NOS1AP: variants seen among roughly 807,000 people sequenced by gnomAD.
NOS1AP encodes the protein carboxyl-terminal PDZ ligand of neuronal nitric oxide synthase protein.
A neutral mutation model predicts 56.2 loss-of-function variants in NOS1AP; 21 were observed. The observed-to-expected ratio is 0.37, with a 90% CI of 0.26 to 0.54. The LOEUF (loss-of-function observed/expected upper bound fraction) is 0.54, where lower values mean the gene tolerates loss of function less well. Ranked by LOEUF, NOS1AP falls within the 20% of genes least tolerant of loss-of-function variation. The probability of loss-of-function intolerance (pLI) is 0.84; values close to 1 mark genes in which losing one functional copy is unlikely to be tolerated. For synonymous variants in NOS1AP, 270 were observed against 274.6 expected (o/e 0.98, Z 0.17); for missense variants, 522 against 657.8 (o/e 0.79, Z 2.26).
chr1:162,105,091 G>A (rs1234316046), intron 1 of NOS1AP, among the ~76,000 whole-genome samples: 1 of 152,076 alleles, frequency 6.6e-6, no homozygotes, highest in Admixed American at 6.6e-5. Flanking sequence ...GGTTTTTGAG[G>A]GGTCTTTTTT....
chr1:162,224,570 A>G (rs1422246646), intron 2 of NOS1AP, among the ~76,000 whole-genome samples: 1 of 152,216 alleles, frequency 6.6e-6, no homozygotes, highest in African/African-American at 2.4e-5. Context: ...GGATGCAGGT[A>G]GCTGTGGCAC....
At chr1:162,138,810 C>T (rs1649111922) in intron 1 of NOS1AP, among the ~76,000 whole-genome samples, 1 of 152,158 alleles carries the variant, frequency 6.6e-6, no homozygotes, top group Admixed American at 6.5e-5. Context: ...TACTGTCTTG[C>T]TAGTGAAACC....
rs60707418 is a variant in NOS1AP, at chr1:162,188,055, T to C, written c.177+33579T>C. ...GAAGCCCCTTCCTAGCAAGGAAAAC[T>C]AGCAGCAGCCCAAAGCCAAAACCAG... On this transcript the variant is annotated intron_variant, in intron 2 of 9. Transcript: ENST00000361897. This position sits in a 1 kb window ranked among gnomAD's most constrained non-coding sequence, Gnocchi z 4.0. Among the ~76,000 whole-genome samples the C allele has an allele frequency of 0.019, 2,849 of 152,270 alleles. 90 individuals carry two copies. The highest frequency in any genetic ancestry group is 0.064 in the African/African-American group (2,669 of 41,538).
chr1:162,296,771 C>G (rs1655478185), intron 3 of NOS1AP, among the ~76,000 whole-genome samples: 1 of 152,158 alleles, frequency 6.6e-6, no homozygotes, highest in Non-Finnish European at 1.5e-5. Context: ...AGAGTCTTGC[C>G]CAGCTTAGCT....
chr1:162,086,524 T>C (rs1402642138), intron 1 of NOS1AP, among the ~76,000 whole-genome samples: 1 of 152,164 alleles, frequency 6.6e-6, no homozygotes, highest in Non-Finnish European at 1.5e-5. Flanking sequence ...CTTAGCACAG[T>C]GCCTGACACC....
chr1:162,302,437 T>A (rs1035692473), intron 4 of NOS1AP, among the ~76,000 whole-genome samples: 7 of 152,220 alleles, frequency 4.6e-5, no homozygotes, highest in African/African-American at 1.7e-4. Context: ...AGAAGCTGGC[T>A]TGAAGAATGT....
At chr1:162,096,473 G>A (rs932520091) in intron 1 of NOS1AP, among the ~76,000 whole-genome samples, 2 of 151,954 alleles carry the variant, frequency 1.3e-5, no homozygotes, top group Admixed American at 6.6e-5. Context: ...AGATCATGTA[G>A]GTATCCGCCA....
Position 162,069,945 on chromosome 1 carries a change from G to A in NOS1AP, c.-233G>A, listed in dbSNP as rs937508060. 1.2e-4 allele frequency: 28 copies of A among 235,928 alleles called. No individual in the cohort carries two copies. Among genetic ancestry groups the A allele is most frequent in the African/African-American group, 6.4e-4 (28 of 43,482 alleles). 14.6% of individuals were successfully genotyped at this position (235,928 alleles called of 1,614,324 possible). ...CCCCTGCCGCCCTCCTAGCCGGCAG[G>A]AATTGCGCGACCACAGCGCCGCTCG... On this transcript the variant is annotated 5_prime_UTR_variant, in exon 1 of 10. Transcript: ENST00000361897.
intron 2 of NOS1AP, among the ~76,000 whole-genome samples, chr1:162,287,100 A>T (rs1319539516): frequency 6.6e-6 from 1 of 152,108 alleles, no homozygotes; most frequent in Non-Finnish European, 1.5e-5. Context: ...CTATGTTTTC[A>T]TCTCATGAGG....
intron 5 of NOS1AP, among the ~76,000 whole-genome samples, chr1:162,333,445 CT>C (rs1047610665): frequency 6.6e-6 from 1 of 152,126 alleles, no homozygotes; most frequent in Non-Finnish European, 1.5e-5. Context: ...TAAGGAGACC[CT>C]TCATCACAAT....
intron 4 of NOS1AP, among the ~76,000 whole-genome samples, chr1:162,319,392 G>GATCCCCCTGCTTA (rs1185968266): frequency 6.6e-6 from 1 of 151,860 alleles, no homozygotes; most frequent in Non-Finnish European, 1.5e-5. Flanking sequence ...CCAGCCATGT[G>GATCCCCCTGCTTA]ATCCCCCTGC....
At chr1:162,150,162 G>T (rs996086332) in intron 1 of NOS1AP, among the ~76,000 whole-genome samples, 1 of 151,844 alleles carries the variant, frequency 6.6e-6, no homozygotes, top group African/African-American at 2.4e-5. Context: ...GGTAACCATT[G>T]TTCTACTCTC....
chr1:162,165,896 A>T (rs1455745594), intron 2 of NOS1AP, among the ~76,000 whole-genome samples: 1 of 152,200 alleles, frequency 6.6e-6, no homozygotes, highest in Non-Finnish European at 1.5e-5. Context: ...TAAATTCAAT[A>T]TGTCAAAAAA....
chr1:162,283,102 C>CTG (rs1654983725), intron 2 of NOS1AP, among the ~76,000 whole-genome samples: 1 of 150,752 alleles, frequency 6.6e-6, no homozygotes, highest in Non-Finnish European at 1.5e-5. Context: ...CTCTCTCTCT[C>CTG]TCTGTGTGTG....
intron 1 of NOS1AP, among the ~76,000 whole-genome samples, chr1:162,083,900 A>G (rs1691946820): frequency 1.3e-5 from 2 of 152,192 alleles, no homozygotes; most frequent in Admixed American, 1.3e-4. Flanking sequence ...GACCCACGGC[A>G]TTAGAGCACT....
intron 4 of NOS1AP, 31 bp downstream of exon 4, chr1:162,300,737 A>G: frequency 6.2e-7 from 1 of 1,602,766 alleles, no homozygotes; most frequent in African/African-American, 1.3e-5. Flanking sequence ...CCAAGATATC[A>G]CTGAGCCCCA....
intron 2 of NOS1AP, among the ~76,000 whole-genome samples, chr1:162,197,427 G>T (rs1004031424): frequency 6.6e-6 from 1 of 152,194 alleles, no homozygotes; most frequent in African/African-American, 2.4e-5. Context: ...CTTGGCAGCC[G>T]GGATGTACTG....
intron 2 of NOS1AP, among the ~76,000 whole-genome samples, chr1:162,243,425 A>G (rs1045941275): frequency 6.6e-6 from 1 of 152,150 alleles, no homozygotes; most frequent in Non-Finnish European, 1.5e-5. Flanking sequence ...GTGAATATGC[A>G]TGGAAGAAAA....
intron 2 of NOS1AP, among the ~76,000 whole-genome samples, chr1:162,266,634 A>C (rs1654433201): frequency 6.6e-6 from 1 of 152,120 alleles, no homozygotes; most frequent in South Asian, 2.1e-4. Context: ...AGTCTTAAAC[A>C]TGGTTCCTTT....
Sources: allele counts gnomAD v4.1 joint callset (sites outside exome capture counted in the v4.1 genomes callset), GRCh38; gene constraint gnomAD v4.1.1; non-coding constraint Gnocchi (gnomAD v3.1); transcripts MANE v1.5; gene names NCBI Gene and HGNC (gene_info 2026-07-23, HGNC 2026-07-21).